TENM3: variants seen among roughly 807,000 people sequenced by gnomAD.
TENM3 encodes the protein teneurin-3.
In TENM3, 63 loss-of-function variants were observed where a neutral mutation model predicts 255.1. That is an observed-to-expected ratio of 0.25 (90% CI 0.20 to 0.30). TENM3 has a LOEUF of 0.30. Ranked by LOEUF, TENM3 falls within the 10% of genes least tolerant of loss-of-function variation. The pLI is 1.00. For missense variants in TENM3, 2,929 were observed against 3,461.1 expected (o/e 0.85, Z 3.86); for synonymous variants, 1,306 against 1,322.3 (o/e 0.99, Z 0.27).
chr4:182,007,660 G>T, the TENM3 span, among the ~76,000 whole-genome samples: 1 of 152,120 alleles, frequency 6.6e-6, no homozygotes, highest in Non-Finnish European at 1.5e-5. Flanking sequence ...GCACCAATGG[G>T]TCTTGACATC....
chr4:182,154,786 GGTTA>G (rs1036536465), intron 1 of TENM3, among the ~76,000 whole-genome samples: 5 of 152,052 alleles, frequency 3.3e-5, no homozygotes, highest in Admixed American at 2.6e-4. Context: ...TATATATGAG[GGTTA>G]GTTAATTTTC....
the TENM3 span, among the ~76,000 whole-genome samples, chr4:181,761,003 C>CACAT: frequency 1.4e-5 from 2 of 147,284 alleles, no homozygotes; most frequent in African/African-American, 4.9e-5. Context: ...CACACACACA[C>CACAT]ACACACACAC....
the TENM3 span, among the ~76,000 whole-genome samples, chr4:181,706,705 T>C: frequency 2.0e-5 from 3 of 152,204 alleles, no homozygotes; most frequent in African/African-American, 7.2e-5. Flanking sequence ...CACTGCGCTG[T>C]GAGAAACAGG....
the TENM3 span, among the ~76,000 whole-genome samples, chr4:182,118,225 C>T: frequency 1.8e-4 from 27 of 151,908 alleles, no homozygotes; most frequent in African/African-American, 2.7e-4. Context: ...ATGTCATGCA[C>T]GAACAGAGAC....
the TENM3 span, among the ~76,000 whole-genome samples, chr4:181,485,019 G>T: frequency 6.6e-6 from 1 of 152,062 alleles, no homozygotes; most frequent in African/African-American, 2.4e-5. Context: ...AAAAATAAAA[G>T]ATTACCCCAA....
chr4:181,597,936 C>T, the TENM3 span, among the ~76,000 whole-genome samples: 2 of 152,182 alleles, frequency 1.3e-5, no homozygotes, highest in Non-Finnish European at 2.9e-5. Context: ...TATTACTCAT[C>T]TCCAGCAATC....
At chr4:182,321,539 T>C (rs985334541) in intron 1 of TENM3, among the ~76,000 whole-genome samples, 7 of 152,028 alleles carry the variant, frequency 4.6e-5, no homozygotes, top group Admixed American at 3.3e-4. Flanking sequence ...GGCAGGAGAA[T>C]TGCTTGAACC....
At chr4:181,902,170 G>A in the TENM3 span, among the ~76,000 whole-genome samples, 208 of 129,158 alleles carry the variant, frequency 1.6e-3, no homozygotes, top group South Asian at 3.2e-3. Context: ...AGGTATATTT[G>A]TATATCTTAA....
At chr4:181,734,423 C>A in the TENM3 span, among the ~76,000 whole-genome samples, 2 of 151,942 alleles carry the variant, frequency 1.3e-5, no homozygotes, top group African/African-American at 4.8e-5. Flanking sequence ...CTCATTTTCA[C>A]CCCCTACATC....
chr4:181,453,536 C>G, the TENM3 span, among the ~76,000 whole-genome samples: 1 of 149,844 alleles, frequency 6.7e-6, no homozygotes, highest in South Asian at 2.2e-4. Context: ...AAACTCTTAA[C>G]GAAGAGTCAT....
At chr4:182,010,752 G>A in the TENM3 span, among the ~76,000 whole-genome samples, 2 of 152,006 alleles carry the variant, frequency 1.3e-5, 1 homozygote, top group East Asian at 3.9e-4. Context: ...AATATTAGAA[G>A]GTTAAAAACA....
the TENM3 span, among the ~76,000 whole-genome samples, chr4:181,767,202 A>AG: frequency 2.2e-5 from 3 of 138,116 alleles, no homozygotes; most frequent in Non-Finnish European, 4.6e-5. Flanking sequence ...CAGTGAGCCG[A>AG]GAAGGTGCCA....
At chr4:181,687,640 T>C in the TENM3 span, among the ~76,000 whole-genome samples, 1 of 152,154 alleles carries the variant, frequency 6.6e-6, no homozygotes, top group African/African-American at 2.4e-5. Context: ...CTGGGATGTA[T>C]ATCCTGTTTG....
In TENM3 at chr4:182,592,131, T is replaced by C. The variant is rs575351895; in HGVS notation, c.512-8793T>C. ...ATAATACCACCTTTCTTTTCTTCTT[T>C]TTTTTTTTTTTTTTACATCTGCAAC... On this transcript the variant is annotated intron_variant, in intron 3 of 27. Coordinates refer to ENST00000511685, the MANE Select transcript of TENM3 (RefSeq NM_001080477.4). Among the ~76,000 whole-genome samples the C allele has an allele frequency of 1.2e-3, 84 of 68,522 alleles. 1 individual carries two copies. Among genetic ancestry groups the C allele is most frequent in the African/African-American group, 2.6e-3 (75 of 28,630 alleles). The allele number at this position is 68,522 out of a possible 152,430, so 45.0% of individuals were successfully genotyped here.
At chr4:181,578,863 C>T in the TENM3 span, among the ~76,000 whole-genome samples, 687 of 152,256 alleles carry the variant, frequency 4.5e-3, 7 homozygotes, top group African/African-American at 0.016. Context: ...GGCCCTATCT[C>T]CAAATACAGT....
the TENM3 span, among the ~76,000 whole-genome samples, chr4:182,091,165 A>G: frequency 2.0e-5 from 3 of 152,358 alleles, no homozygotes; most frequent in South Asian, 2.1e-4. Context: ...GAAAGGCAAG[A>G]GTCCGCCCTT....
chr4:181,620,429 A>G, the TENM3 span, among the ~76,000 whole-genome samples: 224 of 152,238 alleles, frequency 1.5e-3, no homozygotes, highest in African/African-American at 5.2e-3. Context: ...CTCTCTTTAT[A>G]CACGTGTTTC....
At chr4:182,480,167 C>G (rs965917924) in intron 3 of TENM3, among the ~76,000 whole-genome samples, 2 of 151,884 alleles carry the variant, frequency 1.3e-5, no homozygotes, top group East Asian at 1.9e-4. Flanking sequence ...CATTTTTAAT[C>G]TCTCTGAGCT....
chr4:182,556,370 G>A (rs1288821426), intron 3 of TENM3, among the ~76,000 whole-genome samples: 1 of 152,156 alleles, frequency 6.6e-6, no homozygotes, highest in East Asian at 1.9e-4. Flanking sequence ...AAAGCATTTT[G>A]CTTGTAACTT....
Sources: gnomAD v4.1 joint callset for allele counts (sites outside exome capture counted in the v4.1 genomes callset) on GRCh38, gnomAD v4.1.1 for gene constraint, MANE v1.5 for transcripts, NCBI Gene and HGNC (gene_info 2026-07-23, HGNC 2026-07-21) for gene names.